CCDC30: variants seen among roughly 807,000 people sequenced by gnomAD.
The protein encoded by CCDC30 is coiled-coil domain containing 30, also known as coiled-coil domain-containing protein 30.
Under a neutral mutation model 100.2 loss-of-function variants are expected in CCDC30, and 70 were observed. The observed-to-expected ratio is 0.70, with a 90% CI of 0.58 to 0.85. The LOEUF (loss-of-function observed/expected upper bound fraction) is 0.85. Ranked by LOEUF, CCDC30 falls within the 40% of genes least tolerant of loss-of-function variation. CCDC30 has a pLI of 0.00. For synonymous variants in CCDC30, 233 were observed against 269.5 expected (o/e 0.86, Z 1.33); for missense variants, 652 against 771.2 (o/e 0.85, Z 1.83).
chr1:42,575,740 G>C (rs1645824323), intron 7 of CCDC30, among the ~76,000 whole-genome samples: 1 of 151,768 alleles, frequency 6.6e-6, no homozygotes, highest in African/African-American at 2.4e-5. Flanking sequence ...GTATATAAAT[G>C]CATACTTAAT....
intron 11 of CCDC30, among the ~76,000 whole-genome samples, chr1:42,619,739 G>A (rs1245131565): frequency 6.6e-6 from 1 of 152,136 alleles, no homozygotes; most frequent in Non-Finnish European, 1.5e-5. Flanking sequence ...GACAAAGGAA[G>A]GAAGGCCCTC....
intron 1 of CCDC30, chr1:42,467,800 G>C (rs901096695): frequency 1.3e-5 from 2 of 152,194 alleles, no homozygotes; most frequent in Non-Finnish European, 2.9e-5. Flanking sequence ...TGGAGAGGGG[G>C]ACACAGCCTA....
chr1:42,600,597 A>G (rs1646384617), intron 10 of CCDC30, among the ~76,000 whole-genome samples: 1 of 152,032 alleles, frequency 6.6e-6, no homozygotes, highest in Non-Finnish European at 1.5e-5. Context: ...CATGCAATGT[A>G]TGCTCTCAGA....
chr1:42,456,132 T>A, the CCDC30 span: 1 of 714,396 alleles, frequency 1.4e-6, no homozygotes, highest in Non-Finnish European at 2.5e-6. Context: ...GTGACTCGAC[T>A]AACATCTGGG....
At chr1:42,498,964 T>C in intron 6 of CCDC30, 48 bp downstream of exon 6, 1 of 1,039,332 alleles carries the variant, frequency 9.6e-7, no homozygotes, top group Non-Finnish European at 1.2e-6. Context: ...ATTTTTGAGT[T>C]GCATTTTTAC....
intron 3 of CCDC30, among the ~76,000 whole-genome samples, chr1:42,488,530 C>T (rs1644087895): frequency 6.6e-6 from 1 of 152,058 alleles, no homozygotes; most frequent in African/African-American, 2.4e-5. Context: ...AGGCTGATCT[C>T]AAACTCCTGG....
chr1:42,648,424 A>G (rs1457703262), intron 15 of CCDC30, among the ~76,000 whole-genome samples: 1 of 152,266 alleles, frequency 6.6e-6, no homozygotes, highest in East Asian at 1.9e-4. Context: ...TAATCCCAGC[A>G]CTTTGGGAGG....
chr1:42,652,555 T>C (rs1648441710), intron 15 of CCDC30, among the ~76,000 whole-genome samples: 2 of 152,156 alleles, frequency 1.3e-5, no homozygotes, highest in South Asian at 2.1e-4. Context: ...AATAAAAATA[T>C]ATGTCCTACC....
rs559060555 is a variant in CCDC30, at chr1:42,556,050, G to A, written c.457-10246G>A. 385 of 1,124,660 alleles carry A rather than the reference G, an allele frequency of 3.4e-4. No homozygotes were observed. The Middle Eastern group carries it at 7.8e-3, about 23-fold the overall frequency. 69.7% of individuals were successfully genotyped at this position (1,124,660 alleles called of 1,614,324 possible). Reference sequence around the variant, plus strand: ...ATGACTGTTGTGCTATAGAATTCAGGTTGAAAATCTTGTTTGCAACACTGT... The same window carrying A: ...ATGACTGTTGTGCTATAGAATTCAGATTGAAAATCTTGTTTGCAACACTGT... On this transcript the variant is annotated intron_variant, in intron 6 of 16. Coordinates refer to ENST00000668663, the Ensembl canonical transcript of CCDC30.
At chr1:42,615,425 G>A (rs993073136) in intron 11 of CCDC30, among the ~76,000 whole-genome samples, 2 of 152,040 alleles carry the variant, frequency 1.3e-5, no homozygotes, top group Non-Finnish European at 2.9e-5. Flanking sequence ...AGCCTCCCGA[G>A]TAGCTGGGAT....
chr1:42,553,652 TACAC>T lies in CCDC30; in HGVS notation c.457-12607_457-12604del, dbSNP rs60429759. Among the ~76,000 whole-genome samples the T allele has an allele frequency of 7.0e-3, 937 of 133,804 alleles. 6 individuals are homozygous for T. Among genetic ancestry groups the T allele is most frequent in the African/African-American group, 0.015 (536 of 35,118 alleles). The allele number at this position is 133,804 out of a possible 152,430, so 87.8% of individuals were successfully genotyped here. On this transcript the variant is annotated intron_variant, in intron 6 of 16. Transcript: ENST00000668663. ...GCCTGGGTGACAAGGTGAGATTCCA[TACAC>T]ACACACACACACACACACACACACA...
intron 11 of CCDC30, among the ~76,000 whole-genome samples, chr1:42,614,633 A>T (rs1019301884): frequency 6.6e-6 from 1 of 151,708 alleles, no homozygotes; most frequent in African/African-American, 2.4e-5. Context: ...CCAAAAATAC[A>T]AAAATTAGCT....
intron 12 of CCDC30, among the ~76,000 whole-genome samples, chr1:42,641,215 T>TTGTGTGTGTGTGTG (rs71065188): frequency 3.0e-5 from 4 of 132,358 alleles, no homozygotes; most frequent in African/African-American, 8.5e-5. Flanking sequence ...CACATGGCTT[T>TTGTGTGTGTGTGTG]TGTGTGTGTG....
chr1:42,569,029 A>C (rs1349686995), intron 7 of CCDC30: 1 of 152,166 alleles, frequency 6.6e-6, no homozygotes, highest in Non-Finnish European at 1.5e-5. Context: ...AGAAACAAAA[A>C]CACATGCTCA....
intron 10 of CCDC30, among the ~76,000 whole-genome samples, chr1:42,609,826 C>CA (rs1646582581): frequency 6.6e-6 from 1 of 152,104 alleles, no homozygotes; most frequent in Non-Finnish European, 1.5e-5. Context: ...CTTGTGATGG[C>CA]AAGAGAGGCA....
intron 6 of CCDC30, chr1:42,529,686 A>G (rs1350881805): frequency 1.3e-5 from 2 of 152,224 alleles, no homozygotes; most frequent in East Asian, 3.8e-4. Flanking sequence ...CATTTTCAGC[A>G]TAGGAATTAA....
At chr1:42,505,626 G>T (rs1344973779) in intron 6 of CCDC30, among the ~76,000 whole-genome samples, 4 of 152,172 alleles carry the variant, frequency 2.6e-5, no homozygotes, top group Admixed American at 1.3e-4. Context: ...AGGCCTTTTG[G>T]ATTGGATTTG....
chr1:42,621,604 C>T (rs779014968), intron 11 of CCDC30, among the ~76,000 whole-genome samples: 2 of 152,148 alleles, frequency 1.3e-5, no homozygotes, highest in East Asian at 1.9e-4. Flanking sequence ...CTCCGCCTCC[C>T]GGGTTCACGC....
intron 4 of CCDC30, among the ~76,000 whole-genome samples, chr1:42,494,149 C>T (rs1359056564): frequency 6.6e-6 from 1 of 152,142 alleles, no homozygotes. Context: ...GTACTGGTAC[C>T]AAAACAGATA....
Sources: allele counts gnomAD v4.1 joint callset (sites outside exome capture counted in the v4.1 genomes callset), GRCh38; gene constraint gnomAD v4.1.1; transcripts MANE v1.5; gene names NCBI Gene and HGNC (gene_info 2026-07-23, HGNC 2026-07-21).